Variants in LRBA observed in about 807,000 individuals in gnomAD.
LRBA encodes lipopolysaccharide-responsive and beige-like anchor protein.
In LRBA, 176 loss-of-function variants were observed where a neutral mutation model predicts 330.0. That is an observed-to-expected ratio of 0.53 (90% CI 0.47 to 0.60). LRBA has a LOEUF of 0.60. LRBA is among the 20% of genes least tolerant of loss of function. The pLI is 0.00. For synonymous variants in LRBA, 1,230 were observed against 1,193.0 expected (o/e 1.03, Z -0.64); for missense variants, 3,259 against 3,444.8 (o/e 0.95, Z 1.35).
chr4:150,361,773 T>C (rs1581114458), intron 47 of LRBA, among the ~76,000 whole-genome samples: 1 of 25,608 alleles, frequency 3.9e-5, no homozygotes, highest in South Asian at 7.3e-4. Flanking sequence ...ATCATACTAC[T>C]TTTTTTTTTT....
At chr4:150,397,887 A>G (rs190265175) in intron 47 of LRBA, among the ~76,000 whole-genome samples, 7 of 152,344 alleles carry the variant, frequency 4.6e-5, no homozygotes, top group Admixed American at 4.6e-4. Flanking sequence ...TGTCTGGTGC[A>G]TATTATTAAG....
At chr4:150,977,973 G>A (rs1350127301) in intron 2 of LRBA, among the ~76,000 whole-genome samples, 1 of 152,272 alleles carries the variant, frequency 6.6e-6, no homozygotes, top group Non-Finnish European at 1.5e-5. Flanking sequence ...CTACCCTGAA[G>A]GGAAGGACAT....
chr4:150,686,382 A>G (rs764008384), intron 36 of LRBA, among the ~76,000 whole-genome samples: 1 of 152,254 alleles, frequency 6.6e-6, no homozygotes, highest in Non-Finnish European at 1.5e-5. Flanking sequence ...CAAACCACAG[A>G]AGAGTTCACT....
chr4:150,511,466 A>G (rs192299122), intron 40 of LRBA, among the ~76,000 whole-genome samples: 26 of 152,296 alleles, frequency 1.7e-4, no homozygotes, highest in Non-Finnish European at 1.5e-5. Context: ...GTCATACAAC[A>G]TAACACTCCT....
Position 150,591,669 on chromosome 4 carries a change from G to A in LRBA, c.6047-810C>T, listed in dbSNP as rs531189537. ...GGCATGTGGGCAAGGGGCCTCATGCGGCCTGAACTGGAGCAGCTTGTGGAG... is the reference window on the plus strand; with the variant it reads ...GGCATGTGGGCAAGGGGCCTCATGCAGCCTGAACTGGAGCAGCTTGTGGAG... On this transcript the variant is annotated intron_variant, in intron 38 of 56. Coordinates refer to ENST00000651943, the MANE Select transcript of LRBA (RefSeq NM_001364905.1). 4.6e-5 allele frequency among the ~76,000 whole-genome samples: 7 copies of A among 152,152 alleles called. 1 individual carries two copies. In the South Asian group the frequency reaches 8.3e-4, roughly 18 times the overall value.
intron 40 of LRBA, among the ~76,000 whole-genome samples, chr4:150,562,123 C>T (rs1768432902): frequency 6.6e-6 from 1 of 152,018 alleles, no homozygotes; most frequent in South Asian, 2.1e-4. Flanking sequence ...CACACAGTAT[C>T]TCCTGAGCTT....
Position 150,663,480 on chromosome 4 carries a change from A to G in LRBA, c.5921+20071T>C, listed in dbSNP as rs543914101. Among the ~76,000 whole-genome samples the G allele has an allele frequency of 3.0e-3, 462 of 152,208 alleles. 1 individual carries two copies. Among genetic ancestry groups the G allele is most frequent in the Non-Finnish European group, 5.4e-3 (369 of 67,980 alleles). ...ACCAGACTTATTTTGAATATAAAAA[A>G]TTTCATAAACTCAGTTTATTCCTGT... On this transcript the variant is annotated intron_variant, in intron 37 of 56. Coordinates refer to ENST00000651943, the MANE Select transcript of LRBA (RefSeq NM_001364905.1).
At chr4:150,371,580 C>G (rs1740333137) in intron 47 of LRBA, among the ~76,000 whole-genome samples, 1 of 152,118 alleles carries the variant, frequency 6.6e-6, no homozygotes, top group Admixed American at 6.5e-5. Flanking sequence ...ATGAGGCATT[C>G]TATACTTGCC....
intron 53 of LRBA, among the ~76,000 whole-genome samples, chr4:150,299,399 G>A (rs771668610): frequency 3.9e-5 from 6 of 152,044 alleles, no homozygotes; most frequent in Non-Finnish European, 8.8e-5. Flanking sequence ...AGGAAAATAA[G>A]CCTTTTGCTA....
chr4:150,678,655 G>A (rs994592245), intron 37 of LRBA, among the ~76,000 whole-genome samples: 5 of 152,130 alleles, frequency 3.3e-5, no homozygotes, highest in African/African-American at 1.2e-4. Context: ...GGAACAAGGA[G>A]GGGATACATG....
chr4:150,703,495 TTAAAA>T (rs1785312828), intron 36 of LRBA, among the ~76,000 whole-genome samples: 1 of 152,294 alleles, frequency 6.6e-6, no homozygotes, highest in African/African-American at 2.4e-5. Context: ...GATGTTGAAA[TTAAAA>T]TAAAACAGAA....
chr4:150,635,141 T>G (rs1777764915), intron 37 of LRBA, among the ~76,000 whole-genome samples: 1 of 152,124 alleles, frequency 6.6e-6, no homozygotes, highest in Non-Finnish European at 1.5e-5. Context: ...GAGACGGAGT[T>G]TCTTTAGCCT....
chr4:150,872,297 G>A (rs893426788), intron 18 of LRBA, among the ~76,000 whole-genome samples: 1 of 152,064 alleles, frequency 6.6e-6, no homozygotes, highest in Non-Finnish European at 1.5e-5. Flanking sequence ...TTTGAGTTAC[G>A]CATACAGCAG....
intron 2 of LRBA, among the ~76,000 whole-genome samples, chr4:150,989,519 G>A (rs1387735599): frequency 1.3e-5 from 2 of 152,040 alleles, no homozygotes; most frequent in Non-Finnish European, 2.9e-5. Flanking sequence ...AGGCTGAGGT[G>A]AGAGAATCGC....
intron 30 of LRBA, among the ~76,000 whole-genome samples, chr4:150,817,822 A>T (rs551052388): frequency 1.3e-5 from 2 of 152,214 alleles, no homozygotes; most frequent in Non-Finnish European, 1.5e-5. Context: ...ATTCAAACAC[A>T]GGTATTTATG....
intron 17 of LRBA, among the ~76,000 whole-genome samples, chr4:150,886,848 GT>G (rs1174444754): frequency 2.0e-5 from 3 of 152,184 alleles, no homozygotes; most frequent in African/African-American, 7.2e-5. Flanking sequence ...AAATGTGACT[GT>G]TTCTCATAGG....
intron 2 of LRBA, among the ~76,000 whole-genome samples, chr4:151,010,827 T>A (rs1744742708): frequency 6.8e-6 from 1 of 146,286 alleles, no homozygotes; most frequent in Non-Finnish European, 1.5e-5. Context: ...GAGGTTGCAG[T>A]GAGCTGAGAT....
chr4:150,293,292 G>A (rs183687647), intron 53 of LRBA, among the ~76,000 whole-genome samples: 4 of 152,144 alleles, frequency 2.6e-5, no homozygotes, highest in East Asian at 1.9e-4. Flanking sequence ...TTGCTAAAGC[G>A]GAAATGAGCT....
At chr4:150,623,654 TAA>T (rs1437856711) in intron 37 of LRBA, among the ~76,000 whole-genome samples, 1 of 152,056 alleles carries the variant, frequency 6.6e-6, no homozygotes, top group Admixed American at 6.6e-5. Context: ...GGATAAGTAC[TAA>T]AGAGAATTTT....
Sources: gnomAD v4.1 joint callset for allele counts (sites outside exome capture counted in the v4.1 genomes callset) on GRCh38, gnomAD v4.1.1 for gene constraint, MANE v1.5 for transcripts, NCBI Gene and HGNC (gene_info 2026-07-23, HGNC 2026-07-21) for gene names.